Variants in SKA3 observed in about 807,000 individuals in gnomAD.
SKA3 encodes the protein spindle and kinetochore-associated protein 3.
Under a neutral mutation model 44.2 loss-of-function variants are expected in SKA3, and 39 were observed. That is an observed-to-expected ratio of 0.88 (90% CI 0.68 to 1.15). The LOEUF (loss-of-function observed/expected upper bound fraction) is 1.15. Among genes scored for constraint, SKA3 ranks in the 50% most tolerant of loss-of-function variants. The pLI is 0.00. For missense variants in SKA3, 511 were observed against 485.8 expected (o/e 1.05, Z -0.49); for synonymous variants, 192 against 172.0 (o/e 1.12, Z -0.91).
chr13:21,172,179 G>A, intron 3 of SKA3, 160 bp downstream of exon 3: 1 of 490,886 alleles, frequency 2.0e-6, no homozygotes, highest in Non-Finnish European at 3.5e-6. Flanking sequence ...CACTCCAAAA[G>A]CACACCACAC....
At chr13:21,173,157 T>G (rs1871167338) in intron 1 of SKA3, among the ~76,000 whole-genome samples, 2 of 87,998 alleles carry the variant, frequency 2.3e-5, no homozygotes, top group Admixed American at 1.5e-4. Flanking sequence ...CCTGCACAAC[T>G]GGCCCTCAGC....
intron 8 of SKA3, among the ~76,000 whole-genome samples, 184 bp downstream of exon 8, chr13:21,155,509 C>T (rs976249207): frequency 2.0e-5 from 3 of 151,554 alleles, no homozygotes; most frequent in East Asian, 3.9e-4. Context: ...CAGATTCAAG[C>T]GATTCTCCTG....
Position 21,158,033 on chromosome 13 carries a change from T to A in SKA3, c.1008A>T (p.Thr336=). 6.2e-7 allele frequency: 1 copy of A among 1,613,102 alleles called. No individual in the cohort carries two copies. The highest frequency in any genetic ancestry group is 2.2e-5 in the East Asian group (1 of 44,834). Residue 336 remains threonine (T), a synonymous_variant, in exon 7 of 9, where the codon ACA becomes ACT. Coordinates refer to ENST00000314759, the MANE Select transcript of SKA3 (RefSeq NM_145061.6). ...AGGGATCTGTTAAATTCTCAAAGCA[T>A]GTGTCTGAATTTAAAACCAACGAAG... The part of the protein sequence containing the change: ...DRTSLVLNSD[T]CFENLTDPSS...
At chr13:21,172,566 TA>T (rs1405091180) in intron 2 of SKA3, 53 bp downstream of exon 2, 35 of 1,371,476 alleles carry the variant, frequency 2.6e-5, no homozygotes, top group East Asian at 3.4e-5. Context: ...CTATTTAGGA[TA>T]AAAAAATTAC....
chr13:21,165,734 A>G (rs1870673216), intron 4 of SKA3, among the ~76,000 whole-genome samples: 1 of 152,076 alleles, frequency 6.6e-6, no homozygotes, highest in South Asian at 2.1e-4. Flanking sequence ...CAGGAGTTCA[A>G]GAGCAGTCTG....
chr13:21,159,006 C>T (rs1405497729), intron 6 of SKA3, among the ~76,000 whole-genome samples: 2 of 152,162 alleles, frequency 1.3e-5, no homozygotes, highest in African/African-American at 4.8e-5. Flanking sequence ...TAACACAGCC[C>T]TGTGTTCATC....
At chr13:21,157,283 TGC>T (rs1870163110) in intron 7 of SKA3, among the ~76,000 whole-genome samples, 1 of 152,168 alleles carries the variant, frequency 6.6e-6, no homozygotes, top group South Asian at 2.1e-4. Context: ...TTCTGAGAAA[TGC>T]ATTAGGTGAT....
intron 7 of SKA3, 111 bp downstream of exon 7, chr13:21,157,811 A>C: frequency 3.2e-6 from 2 of 625,870 alleles, no homozygotes; most frequent in South Asian, 5.6e-5. Context: ...CAAAATTAGC[A>C]CACTAGCCCA....
At chr13:21,169,753 C>G (rs768589820) in intron 3 of SKA3, among the ~76,000 whole-genome samples, 8 of 152,172 alleles carry the variant, frequency 5.3e-5, no homozygotes, top group Non-Finnish European at 1.0e-4. Flanking sequence ...TCTCCTACCT[C>G]AGCCTCCCAG....
chr13:21,165,771 C>T (rs1439415585), intron 4 of SKA3, among the ~76,000 whole-genome samples: 2 of 151,938 alleles, frequency 1.3e-5, no homozygotes, highest in Non-Finnish European at 2.9e-5. Flanking sequence ...CCCATCTCTA[C>T]TAAAAATAGA....
At position 21,155,703 on chromosome 13, in the gene SKA3, T is replaced by G; in HGVS notation, c.1228A>C (p.Lys410Gln). Residue 410 changes from lysine to glutamine, a missense_variant, in exon 8 of 9, where the codon AAA becomes CAA. Transcript: ENST00000314759. ...AGGTAACATACTCACCAGTTTTCTTTGTTGCTGACATCTCGGATGTTCTGT... is the reference window on the plus strand; with the variant it reads ...AGGTAACATACTCACCAGTTTTCTTGGTTGCTGACATCTCGGATGTTCTGT... ...HGQNIRDVSNKEN is the reference protein window; with the variant it reads ...HGQNIRDVSNQEN The G allele has an allele frequency of 6.3e-7, 1 of 1,592,070 alleles. No homozygotes were observed. Among genetic ancestry groups the G allele is most frequent in the Non-Finnish European group, 8.6e-7 (1 of 1,160,386 alleles).
At position 21,176,361 on chromosome 13, in the gene SKA3, C is replaced by A; in HGVS notation, c.103+14G>T. ...CACCCCACGCACCGTGCCCTGGCCGCCCGCCTCACGCACCGCTTTCCTCTC... is the reference window on the plus strand; with the variant it reads ...CACCCCACGCACCGTGCCCTGGCCGACCGCCTCACGCACCGCTTTCCTCTC... On this transcript the variant is annotated intron_variant, in intron 1 of 8. Coordinates refer to ENST00000314759, the MANE Select transcript of SKA3 (RefSeq NM_145061.6). 1 of 1,190,302 alleles carries A rather than the reference C, an allele frequency of 8.4e-7. No homozygotes were observed. The highest frequency in any genetic ancestry group is 1.9e-5 in the South Asian group (1 of 53,962). 73.7% of individuals were successfully genotyped at this position (1,190,302 alleles called of 1,614,324 possible). A position where few individuals can be genotyped will look rare whatever the true frequency, so the allele number is the denominator to read the frequency against.
At chr13:21,155,339 A>G (rs1870051689) in intron 8 of SKA3, among the ~76,000 whole-genome samples, 189 bp from the exon 9 acceptor site, 1 of 152,188 alleles carries the variant, frequency 6.6e-6, no homozygotes, top group Non-Finnish European at 1.5e-5. Context: ...CAAAAGATAG[A>G]GACAGGCTAT....
In SKA3 at chr13:21,158,077, A is replaced by C. The variant is rs147108341; in HGVS notation, c.964T>G (p.Leu322Val). 1 of 1,612,890 alleles carries C rather than the reference A, an allele frequency of 6.2e-7. No homozygotes were observed. Among genetic ancestry groups the C allele is most frequent in the Non-Finnish European group, 8.5e-7 (1 of 1,178,954 alleles). Residue 322 changes from leucine (L) to valine (V), a missense_variant, in exon 7 of 9, where the codon TTG (leucine) becomes GTG (valine). Transcript: ENST00000314759. ...LSKTNSSSND[L>V]EVEDRTSLVL... Reference sequence around the variant, plus strand: ...AACGAAGTACGATCTTCAACTTCCAAATCATTTGATGAACTATTTGTTTTT... The same window carrying C: ...AACGAAGTACGATCTTCAACTTCCACATCATTTGATGAACTATTTGTTTTT...
At chr13:21,157,455 C>A (rs1416190851) in intron 7 of SKA3, among the ~76,000 whole-genome samples, 2 of 152,214 alleles carry the variant, frequency 1.3e-5, no homozygotes. Flanking sequence ...GTGATAAGCA[C>A]TTGTGTATCT....
intron 1 of SKA3, among the ~76,000 whole-genome samples, chr13:21,174,279 C>T (rs1270304497): frequency 2.6e-5 from 4 of 152,192 alleles, no homozygotes; most frequent in Non-Finnish European, 4.4e-5. Flanking sequence ...GCTATAAAGA[C>T]ACATGCACAC....
chr13:21,171,611 G>A (rs150993334), intron 3 of SKA3, among the ~76,000 whole-genome samples: 1 of 151,098 alleles, frequency 6.6e-6, no homozygotes, highest in Non-Finnish European at 1.5e-5. Flanking sequence ...TCATTCAGAG[G>A]TATGGGCATA....
chr13:21,170,240 T>C lies in SKA3; in HGVS notation c.332-1841A>G, dbSNP rs189077062. 2.0e-3 allele frequency among the ~76,000 whole-genome samples: 307 copies of C among 150,052 alleles called. 3 individuals carry two copies. The highest frequency in any genetic ancestry group is 7.2e-3 in the African/African-American group (295 of 40,772). On this transcript the variant is annotated intron_variant, in intron 3 of 8. Transcript: ENST00000314759. ...TGTCACCCAGGCTAGAGTGTGGTGG[T>C]GCAATCTCAGCTCACGGCAACCTCC...
At chr13:21,174,496 C>A (rs1228573958) in intron 1 of SKA3, among the ~76,000 whole-genome samples, 1 of 152,056 alleles carries the variant, frequency 6.6e-6, no homozygotes, top group Non-Finnish European at 1.5e-5. Context: ...AAACCAAACA[C>A]CGCATGTTCT....
Sources: gnomAD v4.1 joint callset for allele counts (sites outside exome capture counted in the v4.1 genomes callset) on GRCh38, gnomAD v4.1.1 for gene constraint, MANE v1.5 for transcripts, NCBI Gene and HGNC (gene_info 2026-07-23, HGNC 2026-07-21) for gene names.